The following RYR2 variants were observed in gnomAD, a reference collection of about 807,000 sequenced individuals.
The protein encoded by RYR2 is cardiac muscle ryanodine receptor-calcium release channel.
In RYR2, 227 loss-of-function variants were observed where a neutral mutation model predicts 601.1. The observed-to-expected ratio is 0.38, with a 90% CI of 0.34 to 0.42. The LOEUF (loss-of-function observed/expected upper bound fraction) is 0.42. Among genes scored for constraint, RYR2 ranks in the 10% least tolerant of loss-of-function variants. The pLI is 1.00. For synonymous variants in RYR2, 2,223 were observed against 2,175.1 expected (o/e 1.02, Z -0.61); for missense variants, 4,646 against 6,156.5 (o/e 0.75, Z 8.21).
chr1:237,765,765 C>CGTTAAG (rs1409468431), intron 84 of RYR2, among the ~76,000 whole-genome samples: 1 of 152,112 alleles, frequency 6.6e-6, no homozygotes, highest in East Asian at 1.9e-4. Flanking sequence ...TTCGTGGCAC[C>CGTTAAG]AAATACATTT....
At chr1:237,471,988 C>A (rs1006684216) in intron 17 of RYR2, among the ~76,000 whole-genome samples, 1 of 152,202 alleles carries the variant, frequency 6.6e-6, no homozygotes, top group Non-Finnish European at 1.5e-5. Context: ...ACTCAGCTCC[C>A]TAGCATCAGA....
intron 1 of RYR2, among the ~76,000 whole-genome samples, chr1:237,110,703 T>C (rs1669375367): frequency 6.6e-6 from 1 of 152,150 alleles, no homozygotes; most frequent in Non-Finnish European, 1.5e-5. Flanking sequence ...GTAGGCACTG[T>C]TCCTCTACTC....
chr1:237,439,831 C>A (rs1322394615), intron 12 of RYR2, among the ~76,000 whole-genome samples: 9 of 148,294 alleles, frequency 6.1e-5, no homozygotes, highest in African/African-American at 7.5e-5. Context: ...AAGAAAAGAC[C>A]AAAAAAAAAA....
rs571444230 is a variant in RYR2 at position 237,423,902 on chromosome 1, C to G, written c.1005+654C>G. Among the ~76,000 whole-genome samples the G allele has an allele frequency of 1.1e-4, 17 of 152,256 alleles. 1 individual carries two copies. In the South Asian group the frequency reaches 2.7e-3, roughly 24 times the overall value. On this transcript the variant is annotated intron_variant, in intron 12 of 104. Coordinates refer to ENST00000366574, the MANE Select transcript of RYR2 (RefSeq NM_001035.3). ...GGAGTTTAATTGACTTATACTTCCGCATGGCTGGGAAGGCCTCAGGAAACT... is the reference window on the plus strand; with the variant it reads ...GGAGTTTAATTGACTTATACTTCCGGATGGCTGGGAAGGCCTCAGGAAACT...
At chr1:237,116,224 G>T (rs1030779365) in intron 1 of RYR2, among the ~76,000 whole-genome samples, 5 of 152,110 alleles carry the variant, frequency 3.3e-5, no homozygotes, top group African/African-American at 9.7e-5. Flanking sequence ...TGAACGACTT[G>T]CCCAACCACT....
chr1:237,759,179 TG>T (rs1229486469), intron 82 of RYR2, among the ~76,000 whole-genome samples: 3 of 152,092 alleles, frequency 2.0e-5, no homozygotes, highest in Non-Finnish European at 4.4e-5. Context: ...CTCCGCCTCC[TG>T]GGTTCAAGCA....
Position 237,353,838 on chromosome 1 carries a change from GA to G in RYR2, c.274-2121del, listed in dbSNP as rs370890095. On this transcript the variant is annotated intron_variant, in intron 3 of 104. Coordinates refer to ENST00000366574, the MANE Select transcript of RYR2 (RefSeq NM_001035.3). ...TCCACATACTTGATTCAAGTTTTTG[GA>G]AAAAATGTTCCTTTGTCTTATATGT... Among the ~76,000 whole-genome samples, 66 of 152,026 alleles carry G rather than the reference GA, an allele frequency of 4.3e-4. No individual in the cohort carries two copies. In the East Asian group the frequency reaches 6.6e-3, roughly 15 times the overall value.
At chr1:237,672,813 T>C (rs923295685) in intron 58 of RYR2, among the ~76,000 whole-genome samples, 1 of 152,360 alleles carries the variant, frequency 6.6e-6, no homozygotes, top group South Asian at 2.1e-4. Context: ...TTGTGCTTGA[T>C]ATTATTAATA....
chr1:237,364,441 G>T lies in RYR2; in HGVS notation c.309+69G>T, dbSNP rs144039159. ...ATATTACTATATATGGATTATATAT[G>T]TATGTATCTGCATATTAGTATAGCT... On this transcript the variant is annotated intron_variant, in intron 5 of 104. Transcript: ENST00000366574. 8.0e-4 allele frequency: 639 copies of T among 797,378 alleles called. 5 individuals carry two copies. In the African/African-American group the frequency reaches 8.7e-3, roughly 11 times the overall value. 49.4% of individuals were successfully genotyped at this position (797,378 alleles called of 1,614,324 possible).
At chr1:237,548,928 C>G (rs1423351895) in intron 26 of RYR2, among the ~76,000 whole-genome samples, 1 of 152,154 alleles carries the variant, frequency 6.6e-6, no homozygotes, top group Non-Finnish European at 1.5e-5. Flanking sequence ...AATGGGTTCA[C>G]CATCCCTTAT....
At chr1:237,134,547 A>G (rs1002818236) in intron 1 of RYR2, among the ~76,000 whole-genome samples, 3 of 152,148 alleles carry the variant, frequency 2.0e-5, no homozygotes, top group Non-Finnish European at 4.4e-5. Context: ...ACCTGCCCCC[A>G]TGATTCAGTT....
chr1:237,324,378 A>C (rs1362840), intron 2 of RYR2, among the ~76,000 whole-genome samples: 75,627 of 151,912 alleles, frequency 0.5, 20,358 homozygotes, highest in African/African-American at 0.72. Context: ...AGAAGTCGAC[A>C]CTCAACAGTT....
intron 2 of RYR2, among the ~76,000 whole-genome samples, chr1:237,297,709 A>G (rs1692929130): frequency 6.6e-6 from 1 of 151,696 alleles, no homozygotes. Context: ...TTCACATATA[A>G]GTTCAGTGAT....
In RYR2 at chr1:237,530,436, G is replaced by T; in HGVS notation, c.2832G>T (p.Leu944Phe). 1 of 1,606,412 alleles carries T rather than the reference G, an allele frequency of 6.2e-7. No individual in the cohort carries two copies. Among genetic ancestry groups the T allele is most frequent in the South Asian group, 1.1e-5 (1 of 89,126 alleles). Reference protein sequence around the residue: ...QMSLETLKTLLALGCHVGISD... With the variant: ...QMSLETLKTLFALGCHVGISD... ...TGGTTTTGTTTTCCAGGACTTTGTT[G>T]GCATTAGGATGTCATGTGGGTATAT... The change falls in exon 25 of 105, where the codon TTG becomes TTT. Residue 944 changes from leucine (L) to phenylalanine (F), a missense_variant. This residue lies in a region of RYR2 where 1,807 missense variants were observed against 2,088.1 expected (regional missense o/e 0.87). Transcript: ENST00000366574.
At chr1:237,483,784 G>T (rs369360701) in intron 17 of RYR2, among the ~76,000 whole-genome samples, 1 of 152,070 alleles carries the variant, frequency 6.6e-6, no homozygotes, top group Non-Finnish European at 1.5e-5. Context: ...AGAGCTAAAA[G>T]ACAAATTTTC....
At chr1:237,343,429 A>C (rs1698008172) in intron 3 of RYR2, among the ~76,000 whole-genome samples, 1 of 152,210 alleles carries the variant, frequency 6.6e-6, no homozygotes, top group South Asian at 2.1e-4. Context: ...GATTCTGTGT[A>C]GAGTAAATAG....
chr1:237,156,660 A>C (rs1305447109), intron 1 of RYR2, among the ~76,000 whole-genome samples: 2 of 152,206 alleles, frequency 1.3e-5, no homozygotes, highest in African/African-American at 4.8e-5. Context: ...GCCTTCAGTA[A>C]ATATGTATTG....
At chr1:237,405,428 C>T (rs771961366) in intron 10 of RYR2, among the ~76,000 whole-genome samples, 1 of 152,218 alleles carries the variant, frequency 6.6e-6, no homozygotes, top group Non-Finnish European at 1.5e-5. Context: ...ATAGCCTCAA[C>T]GATGAACTTT....
chr1:237,422,288 T>A (rs576273053), intron 11 of RYR2, among the ~76,000 whole-genome samples: 115 of 152,358 alleles, frequency 7.5e-4, no homozygotes, highest in African/African-American at 2.7e-3. Flanking sequence ...TACATAGTGA[T>A]GTTTTGATAC....
Sources: allele counts gnomAD v4.1 joint callset (sites outside exome capture counted in the v4.1 genomes callset), GRCh38; gene constraint gnomAD v4.1.1; regional missense constraint gnomAD v4.1.1; transcripts MANE v1.5; gene names NCBI Gene and HGNC (gene_info 2026-07-23, HGNC 2026-07-21).